FBXO47: variants seen among roughly 807,000 people sequenced by gnomAD.
FBXO47 encodes F-box protein 47.
Under a neutral mutation model 53.9 loss-of-function variants are expected in FBXO47, and 34 were observed. The observed-to-expected ratio is 0.63, with a 90% CI of 0.48 to 0.84. The LOEUF is 0.84. FBXO47 is among the 40% of genes least tolerant of loss of function. The pLI is 0.00. For missense variants in FBXO47, 485 were observed against 541.3 expected, an observed-to-expected ratio of 0.90 and a Z score of 1.03; for synonymous variants, 165 against 181.6, an observed-to-expected ratio of 0.91 and a Z score of 0.73.
chr17:38,955,911 T>C (rs1433804540), intron 4 of FBXO47, among the ~76,000 whole-genome samples: 1 of 135,492 alleles, frequency 7.4e-6, no homozygotes, highest in African/African-American at 2.9e-5. Flanking sequence ...CGAGCTGAGA[T>C]CGTGCCACTG....
Position 38,961,904 on chromosome 17 carries a change from C to T in FBXO47, c.325G>A (p.Ala109Thr), listed in dbSNP as rs774579041. 3.7e-6 allele frequency: 6 copies of T among 1,613,984 alleles called. No individual in the cohort carries two copies. The highest frequency in any genetic ancestry group is 5.1e-6 in the Non-Finnish European group (6 of 1,179,970). Residue 109 changes from alanine (A) to threonine (T), a missense_variant, in exon 3 of 11, where the codon GCT becomes ACT. Ala to Thr is a moderately conservative substitution (Grantham distance 58). Coordinates refer to ENST00000378079, the MANE Select transcript of FBXO47 (RefSeq NM_001008777.3). ...LELPDRRQDS[A>T]ILEHYRSLGL... Reference sequence around the variant, plus strand: ...AGAGATCTGTAGTGCTCCAGTATAGCAGAGTCTTGTCTCCTGTCAGGCAGC... The same window carrying T: ...AGAGATCTGTAGTGCTCCAGTATAGTAGAGTCTTGTCTCCTGTCAGGCAGC...
At chr17:38,946,873 CATATATATAAAT>C (rs1197631362) in intron 6 of FBXO47, among the ~76,000 whole-genome samples, 42 of 87,010 alleles carry the variant, frequency 4.8e-4, no homozygotes, top group Admixed American at 1.0e-3. Context: ...AATATATAAA[CATATATATAAAT>C]ATATATATAA....
At chr17:38,954,166 C>A (rs901705043) in intron 5 of FBXO47, among the ~76,000 whole-genome samples, 2 of 151,830 alleles carry the variant, frequency 1.3e-5, no homozygotes, top group East Asian at 3.9e-4. Flanking sequence ...GGCGTGGTGG[C>A]GGGCACCTGT....
At chr17:38,943,513 G>T in intron 8 of FBXO47, 77 bp downstream of exon 8, 2 of 929,114 alleles carry the variant, frequency 2.2e-6, no homozygotes, top group Non-Finnish European at 3.1e-6. Context: ...GTTACCTGTA[G>T]AATTATCCTT....
chr17:38,942,519 G>C (rs1038344305), intron 9 of FBXO47, among the ~76,000 whole-genome samples: 1 of 152,068 alleles, frequency 6.6e-6, no homozygotes, highest in African/African-American at 2.4e-5. Context: ...GCTTGAACAT[G>C]GGAGGTGGAA....
intron 6 of FBXO47, among the ~76,000 whole-genome samples, chr17:38,948,159 A>G (rs1905031870): frequency 6.8e-6 from 1 of 147,062 alleles, no homozygotes; most frequent in Non-Finnish European, 1.5e-5. Flanking sequence ...CCCTAGCCCT[A>G]TGCAACCAAT....
chr17:38,947,047 TAA>T (rs1048910220), intron 6 of FBXO47, among the ~76,000 whole-genome samples: 18 of 131,380 alleles, frequency 1.4e-4, no homozygotes, highest in East Asian at 5.2e-4. Flanking sequence ...TGTAAATATA[TAA>T]AAACATATAT....
intron 5 of FBXO47, among the ~76,000 whole-genome samples, chr17:38,954,519 T>C (rs1360347027): frequency 6.6e-6 from 1 of 152,122 alleles, no homozygotes; most frequent in East Asian, 1.9e-4. Context: ...TAGATACAGA[T>C]ACACGCATGC....
Position 38,945,972 on chromosome 17 carries a change from TAAATATATATAC to T in FBXO47, c.617-848_617-837del, listed in dbSNP as rs1285016790. 3.8e-5 allele frequency among the ~76,000 whole-genome samples: 5 copies of T among 133,314 alleles called. No homozygotes were observed. The Admixed American group carries it at 4.3e-4, about 11-fold the overall frequency. 87.5% of individuals were successfully genotyped at this position (133,314 alleles called of 152,430 possible). On this transcript the variant is annotated intron_variant, in intron 6 of 10. Coordinates refer to ENST00000378079, the MANE Select transcript of FBXO47 (RefSeq NM_001008777.3). ...AAATATATATATATATATAAATATA[TAAATATATATAC>T]AAATATATAAATATATATAAATACA...
At chr17:38,944,014 T>C (rs914140029) in intron 7 of FBXO47, among the ~76,000 whole-genome samples, 1 of 151,218 alleles carries the variant, frequency 6.6e-6, no homozygotes, top group Non-Finnish European at 1.5e-5. Flanking sequence ...AAACCCTGTC[T>C]CTACTAAAAA....
intron 9 of FBXO47, among the ~76,000 whole-genome samples, chr17:38,941,810 A>G (rs1238455451): frequency 6.6e-6 from 1 of 150,882 alleles, no homozygotes; most frequent in Non-Finnish European, 1.5e-5. Context: ...AGTAGCTGGG[A>G]CCACAGATGT....
rs1598146321 is a variant in FBXO47, at chr17:38,954,916, G to C, written c.447C>G (p.Phe149Leu). 6.2e-7 allele frequency: 1 copy of C among 1,610,934 alleles called. No homozygotes were observed. Among genetic ancestry groups the C allele is most frequent in the Middle Eastern group, 1.7e-4 (1 of 5,962 alleles). Residue 149 changes from phenylalanine (F) to leucine (L), a missense_variant, in exon 5 of 11, where the codon TTC becomes TTG. Phe to Leu is a conservative substitution (Grantham distance 22, BLOSUM62 0). Coordinates refer to ENST00000378079, the MANE Select transcript of FBXO47 (RefSeq NM_001008777.3). ...ACTGCATAGGAGCTGCACAGCCATT[G>C]AATTTAAAGCAGGAAACCTGTAAAG... ...KILTEVSCFKFNGCAAPMQCL... is the reference protein window; with the variant it reads ...KILTEVSCFKLNGCAAPMQCL...
intron 8 of FBXO47, 89 bp from the exon 9 acceptor site, chr17:38,943,009 A>G: frequency 8.7e-7 from 1 of 1,149,576 alleles, no homozygotes; most frequent in Non-Finnish European, 1.2e-6. Context: ...TTTTATCTTT[A>G]TTGGAAATAC....
rs925025100 is a variant in FBXO47, at chr17:38,954,952, T to A, written c.430-19A>T. The A allele has an allele frequency of 4.6e-6, 7 of 1,530,528 alleles. No individual in the cohort carries two copies. The highest frequency in any genetic ancestry group is 6.3e-6 in the Non-Finnish European group (7 of 1,110,956). 94.8% of individuals were successfully genotyped at this position (1,530,528 alleles called of 1,614,324 possible). On this transcript the variant is annotated intron_variant, in intron 4 of 10. Transcript: ENST00000378079. The stretch of plus-strand genomic sequence containing the variant: ...AGGAAACCTGTAAAGAAAACAATGT[T>A]AATACCTCCTTGTCAGTGAAACTAT...
Position 38,954,842 on chromosome 17 carries a change from TAA to T in FBXO47, c.507+12_507+13del. The T allele has an allele frequency of 6.5e-7, 1 of 1,550,330 alleles. No homozygotes were observed. Among genetic ancestry groups the T allele is most frequent in the Non-Finnish European group, 8.8e-7 (1 of 1,130,018 alleles). On this transcript the variant is annotated intron_variant, in intron 5 of 10. Transcript: ENST00000378079. Reference sequence around the variant, plus strand: ...AAAGGTATCCCTTTTCTTCTCTGATTAAAAAAAATGTACCTGTAAAAACATGC... The same window carrying T: ...AAAGGTATCCCTTTTCTTCTCTGATTAAAAAATGTACCTGTAAAAACATGC...
chr17:38,942,696 A>C, intron 9 of FBXO47, 82 bp downstream of exon 9: 1 of 1,035,598 alleles, frequency 9.7e-7, no homozygotes, highest in East Asian at 2.5e-5. Flanking sequence ...TTTTGTCCAC[A>C]TTTCAGTTCC....
rs1262892871 is a variant in FBXO47 at position 38,962,141 on chromosome 17, C to T, written c.182-94G>A. 1.4e-5 allele frequency: 13 copies of T among 947,066 alleles called. No individual in the cohort carries two copies. The East Asian group carries it at 1.6e-4, about 11-fold the overall frequency. The allele number at this position is 947,066 out of a possible 1,614,324, so 58.7% of individuals were successfully genotyped here. ...CTATTAACTTATAGGTTAACTCAAT[C>T]GTCATCATTATCACCATCATCATCC... On this transcript the variant is annotated intron_variant, in intron 2 of 10. Coordinates refer to ENST00000378079, the MANE Select transcript of FBXO47 (RefSeq NM_001008777.3).
At chr17:38,955,337 G>T (rs1402983452) in intron 4 of FBXO47, among the ~76,000 whole-genome samples, 1 of 149,346 alleles carries the variant, frequency 6.7e-6, no homozygotes, top group Non-Finnish European at 1.5e-5. Flanking sequence ...GCAGTGAGTC[G>T]AGACCGTGCC....
Position 38,945,078 on chromosome 17 carries a change from A to G in FBXO47, c.675T>C (p.Asp225=). ...CAGAATCACTTCGATGTGTCCAATG[A>G]TCAAGGAGGACATTCCTACAGAAGA... is the stretch of plus-strand genomic sequence containing the variant. ...IRLFCRNVLL[D]HWTHRSDSAF... The change falls in exon 7 of 11, where the codon GAT becomes GAC. Residue 225 remains aspartate (D), a synonymous_variant. Transcript: ENST00000378079. 1 of 1,613,926 alleles carries G rather than the reference A, an allele frequency of 6.2e-7. No homozygotes were observed. Among genetic ancestry groups the G allele is most frequent in the Non-Finnish European group, 8.5e-7 (1 of 1,179,844 alleles).
Sources: gnomAD v4.1 joint callset for allele counts (sites outside exome capture counted in the v4.1 genomes callset) on GRCh38, gnomAD v4.1.1 for gene constraint, MANE v1.5 for transcripts, NCBI Gene and HGNC (gene_info 2026-07-23, HGNC 2026-07-21) for gene names.